The following IQCJ variants were observed in gnomAD, a reference collection of about 807,000 sequenced individuals.
IQCJ encodes the protein IQ motif containing J, also known as IQ domain-containing protein J.
IQCJ carries 9 observed loss-of-function variants against 11.0 expected under a neutral mutation model. That is an observed-to-expected ratio of 0.82 (90% CI 0.49 to 1.43). The LOEUF is 1.43. Ranked by LOEUF, IQCJ falls within the 40% of genes most tolerant of loss-of-function variation. The probability of loss-of-function intolerance (pLI) is 0.00; values close to 1 mark genes in which losing one functional copy is unlikely to be tolerated. For synonymous variants in IQCJ, 55 were observed against 51.3 expected, an observed-to-expected ratio of 1.07 and a Z score of -0.31; for missense variants, 146 against 133.2, an observed-to-expected ratio of 1.10 and a Z score of -0.47.
intron 1 of IQCJ, among the ~76,000 whole-genome samples, chr3:159,228,224 TA>T (rs1411861201): frequency 3.9e-5 from 6 of 152,222 alleles, no homozygotes; most frequent in Non-Finnish European, 7.3e-5. Context: ...GTAGTTTTAA[TA>T]GCAGAAAGCT....
At chr3:159,164,299 AC>A (rs1479500673) in intron 1 of IQCJ, among the ~76,000 whole-genome samples, 1 of 152,182 alleles carries the variant, frequency 6.6e-6, no homozygotes, top group East Asian at 1.9e-4. Flanking sequence ...CCTGCCTTTT[AC>A]AGTACTAGGT....
intron 1 of IQCJ, among the ~76,000 whole-genome samples, chr3:159,243,672 T>C (rs951348567): frequency 6.6e-6 from 1 of 152,218 alleles, no homozygotes; most frequent in Non-Finnish European, 1.5e-5. Flanking sequence ...ATATATTGTT[T>C]CGGCTGTGAC....
At chr3:159,237,823 T>A (rs1163749953) in intron 1 of IQCJ, among the ~76,000 whole-genome samples, 1 of 152,216 alleles carries the variant, frequency 6.6e-6, no homozygotes, top group Non-Finnish European at 1.5e-5. Context: ...CAAACACACA[T>A]GTTCTTCTGG....
At chr3:159,217,477 G>C (rs1312351230) in intron 1 of IQCJ, among the ~76,000 whole-genome samples, 2 of 152,086 alleles carry the variant, frequency 1.3e-5, no homozygotes, top group Non-Finnish European at 2.9e-5. Context: ...ATAAGAATCA[G>C]GAATGTTGAT....
chr3:159,176,631 AG>A lies in IQCJ; in HGVS notation c.10-69210del, dbSNP rs369770492. 7.1e-4 allele frequency among the ~76,000 whole-genome samples: 108 copies of A among 152,312 alleles called. 1 individual carries two copies. In the East Asian group the frequency reaches 0.02, roughly 28 times the overall value. ...TAGTAGCTACATTAAAAAATTAAAC[AG>A]GTAAAATTGATTTTAGTAATATATT... On this transcript the variant is annotated intron_variant, in intron 1 of 3. Transcript: ENST00000397832.
chr3:159,195,458 A>T (rs1381355999), intron 1 of IQCJ, among the ~76,000 whole-genome samples: 1 of 152,210 alleles, frequency 6.6e-6, no homozygotes, highest in Non-Finnish European at 1.5e-5. Context: ...GGTAGCCTTT[A>T]ACAGGGAGGA....
intron 1 of IQCJ, among the ~76,000 whole-genome samples, chr3:159,130,421 A>C (rs1719924998): frequency 6.6e-6 from 1 of 152,142 alleles, no homozygotes. Context: ...CTAGATCTCT[A>C]AGGGGCAAAA....
intron 1 of IQCJ, among the ~76,000 whole-genome samples, chr3:159,205,153 G>T (rs1370966879): frequency 6.6e-6 from 1 of 152,128 alleles, no homozygotes; most frequent in African/African-American, 2.4e-5. Flanking sequence ...CAAGTTTGGG[G>T]GCTTCTGAAA....
At chr3:159,092,603 C>G (rs938160286) in intron 1 of IQCJ, among the ~76,000 whole-genome samples, 1 of 151,240 alleles carries the variant, frequency 6.6e-6, no homozygotes, top group Admixed American at 6.6e-5. Flanking sequence ...GAGGCTGAGG[C>G]AGGAGAATGG....
intron 1 of IQCJ, among the ~76,000 whole-genome samples, chr3:159,188,967 A>G (rs1295691931): frequency 6.6e-6 from 1 of 152,188 alleles, no homozygotes; most frequent in Non-Finnish European, 1.5e-5. Context: ...GCATGAAATT[A>G]CAGGTTCAGT....
intron 1 of IQCJ, among the ~76,000 whole-genome samples, chr3:159,168,281 A>T (rs1722289874): frequency 6.6e-6 from 1 of 152,194 alleles, no homozygotes; most frequent in African/African-American, 2.4e-5. Flanking sequence ...TGAGTCCCCT[A>T]GTGACTGAAG....
intron 3 of IQCJ, among the ~76,000 whole-genome samples, chr3:159,258,914 G>A (rs1230625370): frequency 6.6e-6 from 1 of 151,910 alleles, no homozygotes; most frequent in Non-Finnish European, 1.5e-5. Flanking sequence ...CTCTTCTCTG[G>A]GATCCTCCTG....
intron 1 of IQCJ, among the ~76,000 whole-genome samples, chr3:159,236,770 A>G (rs760633295): frequency 1.2e-4 from 18 of 152,174 alleles, no homozygotes; most frequent in East Asian, 5.8e-4. Context: ...TAAAATTACT[A>G]TAGATTTTAT....
intron 1 of IQCJ, among the ~76,000 whole-genome samples, chr3:159,203,307 G>T (rs1418269876): frequency 6.7e-6 from 1 of 149,858 alleles, no homozygotes; most frequent in Non-Finnish European, 1.5e-5. Flanking sequence ...AGGTGATTGT[G>T]CTCCCTTTAA....
At chr3:159,160,707 A>G (rs548928129) in intron 1 of IQCJ, among the ~76,000 whole-genome samples, 232 of 110,562 alleles carry the variant, frequency 2.1e-3, no homozygotes, top group African/African-American at 7.9e-3. Context: ...AACTGTCCCC[A>G]GAGTGTGATG....
At chr3:159,259,456 A>T (rs919080443) in intron 3 of IQCJ, among the ~76,000 whole-genome samples, 1 of 152,204 alleles carries the variant, frequency 6.6e-6, no homozygotes, top group African/African-American at 2.4e-5. Context: ...TTTACTCTGT[A>T]GCCACAAAGG....
chr3:159,094,136 C>T (rs928259845), intron 1 of IQCJ, among the ~76,000 whole-genome samples: 21 of 151,854 alleles, frequency 1.4e-4, no homozygotes, highest in Admixed American at 1.4e-3. Flanking sequence ...TGCTCCTAGC[C>T]ATCTTCAAAG....
intron 1 of IQCJ, chr3:159,069,702 G>A (rs1202892093): frequency 3.4e-6 from 2 of 580,274 alleles, no homozygotes; most frequent in African/African-American, 1.9e-5. Context: ...CTCATTGAAA[G>A]CAACACTTCC....
intron 1 of IQCJ, among the ~76,000 whole-genome samples, chr3:159,232,616 T>C (rs1726328486): frequency 6.6e-6 from 1 of 152,086 alleles, no homozygotes; most frequent in East Asian, 1.9e-4. Flanking sequence ...TTCTTTTGCA[T>C]TTGCTGAGGA....
Sources: allele counts gnomAD v4.1 joint callset (sites outside exome capture counted in the v4.1 genomes callset), GRCh38; gene constraint gnomAD v4.1.1; transcripts MANE v1.5; gene names NCBI Gene and HGNC (gene_info 2026-07-23, HGNC 2026-07-21).